Variants in INPP5A observed in about 807,000 individuals in gnomAD.
INPP5A encodes 43 kDa inositol polyphosphate 5-phophatase.
In INPP5A, 14 loss-of-function variants were observed where a neutral mutation model predicts 65.2. That is an observed-to-expected ratio of 0.21 (90% CI 0.14 to 0.34). The LOEUF is 0.34. Among genes scored for constraint, INPP5A ranks in the 10% least tolerant of loss-of-function variants. The pLI, the probability that INPP5A is intolerant of heterozygous loss-of-function variation, is 1.00. For synonymous variants in INPP5A, 207 were observed against 208.3 expected (o/e 0.99, Z 0.05); for missense variants, 431 against 545.6 (o/e 0.79, Z 2.09).
At chr10:132,725,573 TGCCTCCCG>T (rs1168342957) in intron 8 of INPP5A, among the ~76,000 whole-genome samples, 3 of 152,238 alleles carry the variant, frequency 2.0e-5, no homozygotes, top group Non-Finnish European at 4.4e-5. Context: ...TTGGGCCCCC[TGCCTCCCG>T]GCCTCATCCC....
intron 8 of INPP5A, among the ~76,000 whole-genome samples, chr10:132,726,479 C>T (rs1052412484): frequency 1.3e-5 from 2 of 152,200 alleles, no homozygotes; most frequent in Non-Finnish European, 2.9e-5. Context: ...GGCCCTTTCC[C>T]GTTCTCGGGG....
chr10:132,648,738 C>T (rs1043649978), intron 3 of INPP5A, among the ~76,000 whole-genome samples: 2 of 152,162 alleles, frequency 1.3e-5, no homozygotes, highest in Non-Finnish European at 2.9e-5. Context: ...GCGAGAATCT[C>T]GCCATTGTTC....
At chr10:132,751,123 A>G (rs3829131) in intron 11 of INPP5A, among the ~76,000 whole-genome samples, 92,262 of 152,102 alleles carry the variant, frequency 0.61, 28,717 homozygotes, top group East Asian at 0.87. Flanking sequence ...TGCCTCCCCA[A>G]CGGCCCCCAG....
intron 3 of INPP5A, among the ~76,000 whole-genome samples, chr10:132,648,121 T>C (rs749149688): frequency 2.6e-5 from 4 of 152,222 alleles, no homozygotes; most frequent in Non-Finnish European, 5.9e-5. Flanking sequence ...TGTTTAAATA[T>C]ATGAAGAACT....
At chr10:132,647,437 C>A (rs1448871673) in intron 3 of INPP5A, among the ~76,000 whole-genome samples, 1 of 152,136 alleles carries the variant, frequency 6.6e-6, no homozygotes, top group Non-Finnish European at 1.5e-5. Context: ...CAGTTTTAAT[C>A]AAAATCTTAG....
At chr10:132,680,611 G>T (rs1237878460) in intron 4 of INPP5A, among the ~76,000 whole-genome samples, 1 of 152,250 alleles carries the variant, frequency 6.6e-6, no homozygotes, top group Non-Finnish European at 1.5e-5. Context: ...CCCCTTTCTG[G>T]GCTGGCCAAG....
intron 2 of INPP5A, among the ~76,000 whole-genome samples, chr10:132,630,791 G>C (rs1037502218): frequency 3.3e-5 from 5 of 152,100 alleles, no homozygotes; most frequent in Admixed American, 6.5e-5. Context: ...GGTGGGGGCC[G>C]GGAGGCGGCG....
At chr10:132,708,928 C>T (rs1447869925) in intron 7 of INPP5A, among the ~76,000 whole-genome samples, 1 of 152,208 alleles carries the variant, frequency 6.6e-6, no homozygotes, top group African/African-American at 2.4e-5. Flanking sequence ...ACGTGTCCCT[C>T]CAGCCATCAC....
intron 12 of INPP5A, among the ~76,000 whole-genome samples, chr10:132,770,300 C>T (rs928266059): frequency 6.6e-6 from 1 of 152,248 alleles, no homozygotes; most frequent in African/African-American, 2.4e-5. Flanking sequence ...GCAGTGTCGC[C>T]GGCCATCGGG....
chr10:132,539,741 C>T (rs978375679), intron 1 of INPP5A, among the ~76,000 whole-genome samples: 2 of 142,196 alleles, frequency 1.4e-5, no homozygotes, highest in Non-Finnish European at 3.1e-5. Flanking sequence ...AGCTTTATGA[C>T]GGATGTGTGC....
In INPP5A at chr10:132,637,788, C is replaced by T. The variant is rs949351366; in HGVS notation, c.118-8080C>T. On this transcript the variant is annotated intron_variant, in intron 2 of 15. Transcript: ENST00000368594. This position sits in a 1 kb window ranked among gnomAD's most constrained non-coding sequence, Gnocchi z 4.1. ...GATGTGAGGTGGTTTTTCATATTCT[C>T]GACTGCTTGAGTAGATTTGATTTTA... Among the ~76,000 whole-genome samples the T allele has an allele frequency of 6.6e-6, 1 of 152,126 alleles. No homozygotes were observed. The highest frequency in any genetic ancestry group is 1.5e-5 in the Non-Finnish European group (1 of 68,032).
At chr10:132,739,604 C>T (rs1482599946) in intron 9 of INPP5A, among the ~76,000 whole-genome samples, 1 of 152,216 alleles carries the variant, frequency 6.6e-6, no homozygotes, top group East Asian at 1.9e-4. Context: ...CAGAGGGGGA[C>T]GCAGCGCTCT....
In INPP5A at chr10:132,749,549, C is replaced by A. The variant is rs761344375; in HGVS notation, c.765C>A (p.Val255=). The A allele has an allele frequency of 1.1e-5, 17 of 1,612,860 alleles. No individual in the cohort carries two copies. Among genetic ancestry groups the A allele is most frequent in the African/African-American group, 1.3e-5 (1 of 74,944 alleles). Residue 255 remains valine (V), a synonymous_variant, in exon 10 of 16, where the codon GTC becomes GTA. Transcript: ENST00000368594. ...GCACAAAAGCCACCATGCAGACGGT[C>A]CGGGCCGCCGACACCAATGAAGTGG... ...TLCTKATMQT[V]RAADTNEVVK...
intron 8 of INPP5A, among the ~76,000 whole-genome samples, chr10:132,711,922 G>C (rs1445380441): frequency 6.6e-6 from 1 of 152,186 alleles, no homozygotes; most frequent in African/African-American, 2.4e-5. Context: ...GCTTCCTGGG[G>C]AAGACAGTGG....
rs1564949286 is a variant in INPP5A at position 132,650,464 on chromosome 10, G to A, written c.265G>A (p.Val89Ile). The A allele has an allele frequency of 4.3e-6, 7 of 1,613,934 alleles. No homozygotes were observed. Among genetic ancestry groups the A allele is most frequent in the African/African-American group, 1.3e-5 (1 of 75,056 alleles). The change falls in exon 4 of 16, where the codon GTC becomes ATC. Residue 89 changes from valine (V) to isoleucine (I), a missense_variant. Transcript: ENST00000368594. The surrounding 1 kb of genome is among the most constrained non-coding windows in gnomAD (Gnocchi z 5.5). ...GATGAAAGAATATAACAGGGCTCGA[G>A]TCTACCTGGATGAAAACTACAAATC... is the stretch of plus-strand genomic sequence containing the variant. ...DAMKEYNRAR[V>I]YLDENYKSQE...
At chr10:132,611,770 G>T (rs1377945170) in intron 2 of INPP5A, among the ~76,000 whole-genome samples, 1 of 148,136 alleles carries the variant, frequency 6.8e-6, no homozygotes, top group Non-Finnish European at 1.5e-5. Flanking sequence ...GTCAGAGGAG[G>T]GTGAGGGAGG....
chr10:132,730,418 G>A (rs943858911), intron 9 of INPP5A, among the ~76,000 whole-genome samples: 4 of 152,230 alleles, frequency 2.6e-5, no homozygotes, highest in Non-Finnish European at 4.4e-5. Context: ...GCGCGGGAGG[G>A]GGCGCCATCT....
chr10:132,694,093 G>A (rs756193559), intron 5 of INPP5A, among the ~76,000 whole-genome samples: 3 of 152,106 alleles, frequency 2.0e-5, no homozygotes, highest in East Asian at 1.9e-4. Flanking sequence ...TGTCAAGCTC[G>A]CCTGGAACAT....
chr10:132,579,846 CGTGGCGCCTG>C (rs1032735583), intron 1 of INPP5A, among the ~76,000 whole-genome samples: 1 of 151,994 alleles, frequency 6.6e-6, no homozygotes, highest in African/African-American at 2.4e-5. Flanking sequence ...CCTGCCTCTC[CGTGGCGCCTG>C]GTTCTTGGTG....
Sources: gnomAD v4.1 joint callset for allele counts (sites outside exome capture counted in the v4.1 genomes callset) on GRCh38, gnomAD v4.1.1 for gene constraint, Gnocchi (gnomAD v3.1) non-coding constraint, MANE v1.5 for transcripts, NCBI Gene and HGNC (gene_info 2026-07-23, HGNC 2026-07-21) for gene names.